The following MACROD2 variants were observed in gnomAD, a reference collection of about 807,000 sequenced individuals.
MACROD2 encodes mono-ADP ribosylhydrolase 2, also known as ADP-ribose glycohydrolase MACROD2.
A neutral mutation model predicts 70.4 loss-of-function variants in MACROD2; 36 were observed. That is an observed-to-expected ratio of 0.51 (90% CI 0.39 to 0.68). MACROD2 has a LOEUF of 0.68. Ranked by LOEUF, MACROD2 falls within the 30% of genes least tolerant of loss-of-function variation. The pLI is 0.00. For missense variants in MACROD2, 496 were observed against 538.4 expected (o/e 0.92, Z 0.78); for synonymous variants, 172 against 178.8 (o/e 0.96, Z 0.30).
intron 2 of MACROD2, among the ~76,000 whole-genome samples, chr20:14,074,324 T>TA (rs2053889128): frequency 6.6e-6 from 1 of 152,192 alleles, no homozygotes; most frequent in Non-Finnish European, 1.5e-5. Context: ...GGTCCTGTGA[T>TA]ACGGGTAGGA....
At chr20:14,623,158 T>C (rs575373310) in intron 4 of MACROD2, 7 of 152,278 alleles carry the variant, frequency 4.6e-5, no homozygotes. Context: ...CTGAGACCTG[T>C]GTTACAACTG....
chr20:15,040,415 G>A (rs1380703262), intron 5 of MACROD2, among the ~76,000 whole-genome samples: 1 of 151,888 alleles, frequency 6.6e-6, no homozygotes, highest in Non-Finnish European at 1.5e-5. Context: ...CTTAATTATG[G>A]TGACAATGGT....
intron 5 of MACROD2, among the ~76,000 whole-genome samples, chr20:14,724,184 T>A (rs1429402448): frequency 6.6e-6 from 1 of 152,070 alleles, no homozygotes; most frequent in East Asian, 1.9e-4. Context: ...ACTAAGGTGT[T>A]TTTTTTTCCC....
chr20:15,143,042 G>T (rs1429931356), intron 5 of MACROD2, among the ~76,000 whole-genome samples: 1 of 142,504 alleles, frequency 7.0e-6, no homozygotes, highest in Non-Finnish European at 1.5e-5. Flanking sequence ...TGGGATGGCT[G>T]GGTCAAATGG....
rs1476067661 is a variant in MACROD2, at chr20:14,104,722, T to G, written c.271+18994T>G. Reference sequence around the variant, plus strand: ...CACTTCTCCCTTTGCATCCCCAGCTTCAGAAGATGGACTAAGCCCTCACAT... The same window carrying G: ...CACTTCTCCCTTTGCATCCCCAGCTGCAGAAGATGGACTAAGCCCTCACAT... On this transcript the variant is annotated intron_variant, in intron 3 of 17. Coordinates refer to ENST00000684519, the MANE Select transcript of MACROD2 (RefSeq NM_001351661.2). Among the ~76,000 whole-genome samples the G allele has an allele frequency of 2.6e-5, 4 of 152,298 alleles. No individual in the cohort carries two copies. In the East Asian group the frequency reaches 5.8e-4, roughly 22 times the overall value.
At chr20:15,712,850 A>C (rs1378005626) in intron 8 of MACROD2, among the ~76,000 whole-genome samples, 1 of 152,226 alleles carries the variant, frequency 6.6e-6, no homozygotes, top group Non-Finnish European at 1.5e-5. Context: ...GTAATTTTTA[A>C]AAATTATTTT....
intron 3 of MACROD2, among the ~76,000 whole-genome samples, chr20:14,400,849 A>G (rs2083629969): frequency 6.6e-6 from 1 of 152,098 alleles, no homozygotes; most frequent in Non-Finnish European, 1.5e-5. Flanking sequence ...AAGTCCTTTT[A>G]CCATATTTAT....
chr20:15,536,124 C>A (rs149987578), intron 8 of MACROD2, among the ~76,000 whole-genome samples: 18 of 152,312 alleles, frequency 1.2e-4, no homozygotes, highest in African/African-American at 4.1e-4. Flanking sequence ...CTCATCAGCA[C>A]TTCTGATTTC....
chr20:14,721,127 C>T (rs1398036531), intron 5 of MACROD2, among the ~76,000 whole-genome samples: 1 of 151,230 alleles, frequency 6.6e-6, no homozygotes, highest in East Asian at 2.0e-4. Flanking sequence ...TGGCGTTGGG[C>T]GCCTGTAGTC....
intron 3 of MACROD2, among the ~76,000 whole-genome samples, chr20:14,189,538 T>A (rs1329079940): frequency 6.6e-6 from 1 of 152,192 alleles, no homozygotes; most frequent in African/African-American, 2.4e-5. Flanking sequence ...TTTAAGGTTA[T>A]AGGGGTTTAA....
At chr20:15,095,861 TTGTGTG>T (rs11468899) in intron 5 of MACROD2, among the ~76,000 whole-genome samples, 80 of 148,522 alleles carry the variant, frequency 5.4e-4, no homozygotes, top group Middle Eastern at 3.5e-3. Context: ...ACCATGTTGT[TTGTGTG>T]TGTGTGTGTG....
chr20:14,492,013 T>C (rs767834747), intron 3 of MACROD2, among the ~76,000 whole-genome samples: 2 of 152,188 alleles, frequency 1.3e-5, no homozygotes, highest in Non-Finnish European at 2.9e-5. Context: ...ATCATGAAAT[T>C]TCTCTTTTCC....
chr20:14,109,454 A>G (rs1464822320), intron 3 of MACROD2, among the ~76,000 whole-genome samples: 1 of 151,898 alleles, frequency 6.6e-6, no homozygotes, highest in Non-Finnish European at 1.5e-5. Context: ...CAAAAGATCA[A>G]TCAAATAAAA....
At chr20:14,413,193 CTG>C (rs1491568991) in intron 3 of MACROD2, among the ~76,000 whole-genome samples, 2 of 32,868 alleles carry the variant, frequency 6.1e-5, no homozygotes, top group Non-Finnish European at 1.5e-4. Flanking sequence ...CTCTTTACCA[CTG>C]TTTTTTTTTT....
chr20:14,230,967 G>A (rs938043514), intron 3 of MACROD2, among the ~76,000 whole-genome samples: 3 of 151,036 alleles, frequency 2.0e-5, no homozygotes, highest in African/African-American at 7.3e-5. Flanking sequence ...CATTGTCAAT[G>A]AGCAGTAATA....
In MACROD2 at chr20:15,731,899, G is replaced by A. The variant is rs1231438571; in HGVS notation, c.646-130846G>A. Among the ~76,000 whole-genome samples, 7 of 56,296 alleles carry A rather than the reference G, an allele frequency of 1.2e-4. 3 individuals are homozygous for A. The highest frequency in any genetic ancestry group is 3.5e-4 in the Non-Finnish European group (7 of 20,012). The allele number at this position is 56,296 out of a possible 152,430, so 36.9% of individuals were successfully genotyped here. ...GCTTCCTGAGTAGCTGGAATTACAG[G>A]CATCCACCACAATGCCTGGCTATTT... On this transcript the variant is annotated intron_variant, in intron 8 of 17. Coordinates refer to ENST00000684519, the MANE Select transcript of MACROD2 (RefSeq NM_001351661.2).
At chr20:14,983,714 A>C (rs939191474) in intron 5 of MACROD2, among the ~76,000 whole-genome samples, 1 of 152,132 alleles carries the variant, frequency 6.6e-6, no homozygotes, top group Admixed American at 6.5e-5. Context: ...TAAATTGCCC[A>C]GTCTCGGGTA....
chr20:15,253,322 T>C (rs2077171761), intron 6 of MACROD2, among the ~76,000 whole-genome samples: 2 of 152,200 alleles, frequency 1.3e-5, no homozygotes, highest in South Asian at 4.1e-4. Context: ...AAGCCTATGA[T>C]ATTTACTATC....
At chr20:14,912,822 G>A (rs536117413) in intron 5 of MACROD2, among the ~76,000 whole-genome samples, 22 of 152,262 alleles carry the variant, frequency 1.4e-4, no homozygotes, top group African/African-American at 5.1e-4. Flanking sequence ...ACTCTTCTCT[G>A]CACTCAGCTG....
Sources: allele counts gnomAD v4.1 joint callset (sites outside exome capture counted in the v4.1 genomes callset), GRCh38; gene constraint gnomAD v4.1.1; transcripts MANE v1.5; gene names NCBI Gene and HGNC (gene_info 2026-07-23, HGNC 2026-07-21).